ZNF888: variants seen among roughly 807,000 people sequenced by gnomAD.
ZNF888 encodes CTD-2331H12.6.
In ZNF888, 5 loss-of-function variants were observed where a neutral mutation model predicts 7.2. That is an observed-to-expected ratio of 0.70 (90% CI 0.36 to 1.46). The LOEUF (loss-of-function observed/expected upper bound fraction) is 1.46. Among genes scored for constraint, ZNF888 ranks in the 40% most tolerant of loss-of-function variants. The probability of loss-of-function intolerance (pLI) is 0.03; values close to 1 mark genes in which losing one functional copy is unlikely to be tolerated. For synonymous variants in ZNF888, 240 were observed against 284.3 expected (o/e 0.84, Z 1.57); for missense variants, 716 against 858.0 (o/e 0.83, Z 2.07).
intron 2 of ZNF888, chr19:52,918,214 G>A: frequency 2.0e-6 from 2 of 985,442 alleles, no homozygotes; most frequent in Non-Finnish European, 1.2e-6. Context: ...CAGAGGCTGG[G>A]TGCGGTGGCT....
chr19:52,906,656 C>T lies in ZNF888; in HGVS notation c.1666G>A (p.Gly556Ser). 3.7e-6 allele frequency: 6 copies of T among 1,613,762 alleles called. No individual in the cohort carries two copies. The highest frequency in any genetic ancestry group is 5.1e-6 in the Non-Finnish European group (6 of 1,179,818). The change falls in exon 5 of 5, where the codon GGC (glycine) becomes AGC (serine). Residue 556 changes from glycine to serine, a missense_variant. Physicochemically the swap from Gly to Ser is moderately conservative, Grantham distance 56. This residue lies in a region of ZNF888 where 697 missense variants were observed against 803.4 expected (regional missense o/e 0.87). Transcript: ENST00000638862. ...CTTGATTTGTGATTAAAACTTTTGC[C>T]ACATTCATTACACTTGTAACGTTTC... Reference protein sequence around the residue: ...GEKRYKCNECGKSFNHKSSLA... With the variant: ...GEKRYKCNECSKSFNHKSSLA...
chr19:52,905,092 T>C lies in ZNF888; in HGVS notation c.*1073A>G, dbSNP rs1346675398. ...AACATACATAGAGATACAACCCATATTGATAGTTTGGAAAAATTAATATTG... is the reference window on the plus strand; with the variant it reads ...AACATACATAGAGATACAACCCATACTGATAGTTTGGAAAAATTAATATTG... On this transcript the variant is annotated 3_prime_UTR_variant, in exon 5 of 5. Coordinates refer to ENST00000638862, the MANE Select transcript of ZNF888 (RefSeq NM_001393938.1). 1 of 152,284 alleles carries C rather than the reference T, an allele frequency of 6.6e-6. No homozygotes were observed. Among genetic ancestry groups the C allele is most frequent in the Non-Finnish European group, 1.5e-5 (1 of 68,048 alleles). The allele number at this position is 152,284 out of a possible 1,614,324, so 9.4% of individuals were successfully genotyped here. A position where few individuals can be genotyped will look rare whatever the true frequency, so the allele number is the denominator to read the frequency against.
intron 4 of ZNF888, among the ~76,000 whole-genome samples, chr19:52,913,379 C>T (rs982675768): frequency 5.5e-5 from 7 of 128,404 alleles, no homozygotes; most frequent in Non-Finnish European, 1.1e-4. Context: ...GCCTGGAGTG[C>T]AATGGTGCGA....
At position 52,905,603 on chromosome 19, in the gene ZNF888, C is replaced by CCGCACTCAGCCTAATCCTCTTAACATA. The variant is rs2064598410; in HGVS notation, c.*535_*561dup. 2.7e-6 allele frequency: 1 copy of CCGCACTCAGCCTAATCCTCTTAACATA among 365,008 alleles called. No homozygotes were observed. The highest frequency in any genetic ancestry group is 2.1e-5 in the African/African-American group (1 of 46,982). 22.6% of individuals were successfully genotyped at this position (365,008 alleles called of 1,614,324 possible). On this transcript the variant is annotated 3_prime_UTR_variant, in exon 5 of 5. Coordinates refer to ENST00000638862, the MANE Select transcript of ZNF888 (RefSeq NM_001393938.1). ...GTGCTAGCATTACAGGTGTGAGCCACCGCACTCAGCCTAATCCTCTTAACA... is the reference window on the plus strand; with the variant it reads ...GTGCTAGCATTACAGGTGTGAGCCACCGCACTCAGCCTAATCCTCTTAACATACGCACTCAGCCTAATCCTCTTAACA...
chr19:52,909,220 G>C (rs2064647815), intron 4 of ZNF888, among the ~76,000 whole-genome samples: 6 of 151,676 alleles, frequency 4.0e-5, no homozygotes, highest in African/African-American at 2.4e-5. Flanking sequence ...TGTGGAACAG[G>C]CGCTTTGTAA....
chr19:52,905,690 A>C lies in ZNF888; in HGVS notation c.*475T>G. The C allele has an allele frequency of 2.3e-6, 1 of 429,058 alleles. No individual in the cohort carries two copies. Among genetic ancestry groups the C allele is most frequent in the Non-Finnish European group, 4.7e-6 (1 of 212,196 alleles). The allele number at this position is 429,058 out of a possible 1,614,324, so 26.6% of individuals were successfully genotyped here. A position where few individuals can be genotyped will look rare whatever the true frequency, so the allele number is the denominator to read the frequency against. ...GTTAAGTCAACTCAAACTCAAGTCA[A>C]TGCTGAACTGACTCTAGTGTCAATT... On this transcript the variant is annotated 3_prime_UTR_variant, in exon 5 of 5. Transcript: ENST00000638862.
In ZNF888 at chr19:52,923,382, C is replaced by T. The variant is rs1279477292; in HGVS notation, c.-191G>A. On this transcript the variant is annotated 5_prime_UTR_variant, in exon 1 of 5. Coordinates refer to ENST00000638862, the MANE Select transcript of ZNF888 (RefSeq NM_001393938.1). ...AGCAAAACTCACCGCCGCAGTGTGA[C>T]TTCCAGTCCACGCGATCCGCTTCCT... 2 of 985,816 alleles carry T rather than the reference C, an allele frequency of 2.0e-6. No individual in the cohort carries two copies. The highest frequency in any genetic ancestry group is 2.4e-6 in the Non-Finnish European group (2 of 830,032). 61.1% of individuals were successfully genotyped at this position (985,816 alleles called of 1,614,324 possible). A position where few individuals can be genotyped will look rare whatever the true frequency, so the allele number is the denominator to read the frequency against.
intron 1 of ZNF888, among the ~76,000 whole-genome samples, chr19:52,919,951 C>A (rs1431154402): frequency 2.0e-4 from 11 of 54,296 alleles, no homozygotes; most frequent in South Asian, 5.4e-4. Flanking sequence ...AGTGAGGAGC[C>A]CCTCTGCCCG....
rs1248190860 is a variant in ZNF888 at position 52,905,915 on chromosome 19, C to T, written c.*250G>A. On this transcript the variant is annotated 3_prime_UTR_variant, in exon 5 of 5. Coordinates refer to ENST00000638862, the MANE Select transcript of ZNF888 (RefSeq NM_001393938.1). ...AAAGGCTTTGCTCACAATCATCACACTTGTGAGGTTTCTCTCCTGTATGAA... is the reference window on the plus strand; with the variant it reads ...AAAGGCTTTGCTCACAATCATCACATTTGTGAGGTTTCTCTCCTGTATGAA... The T allele has an allele frequency of 1.3e-6, 1 of 795,982 alleles. No homozygotes were observed. Among genetic ancestry groups the T allele is most frequent in the African/African-American group, 1.6e-5 (1 of 62,336 alleles). The allele number at this position is 795,982 out of a possible 1,614,324, so 49.3% of individuals were successfully genotyped here.
chr19:52,907,846 A>G lies in ZNF888; in HGVS notation c.476T>C (p.Ile159Thr), dbSNP rs1018186202. 75 of 1,614,026 alleles carry G rather than the reference A, an allele frequency of 4.6e-5. No individual in the cohort carries two copies. Among genetic ancestry groups the G allele is most frequent in the Middle Eastern group, 1.6e-4 (1 of 6,084 alleles). ...ELHIFQPEGKIGNQLEKSINN... is the reference protein window; with the variant it reads ...ELHIFQPEGKTGNQLEKSINN... ...GATAGACTTCTCAAGTTGATTACCAATTTTCCCTTCGGGCTGAAATATGTG... is the reference window on the plus strand; with the variant it reads ...GATAGACTTCTCAAGTTGATTACCAGTTTTCCCTTCGGGCTGAAATATGTG... Residue 159 changes from isoleucine to threonine, a missense_variant, in exon 5 of 5, where the codon ATT (isoleucine) becomes ACT (threonine). Physicochemically the swap from Ile to Thr is moderately conservative, Grantham distance 89. Coordinates refer to ENST00000638862, the MANE Select transcript of ZNF888 (RefSeq NM_001393938.1).
chr19:52,918,138 A>G (rs981113042), intron 2 of ZNF888: 1 of 1,377,494 alleles, frequency 7.3e-7, no homozygotes, highest in Non-Finnish European at 9.4e-7. Flanking sequence ...ACGCTGCAGC[A>G]GTAGGGATCT....
At chr19:52,914,390 G>A (rs1568745599) in intron 4 of ZNF888, 1 of 983,450 alleles carries the variant, frequency 1.0e-6, no homozygotes, top group Non-Finnish European at 1.2e-6. Context: ...CCAACATGGA[G>A]ATAACAGGTC....
At chr19:52,909,476 G>T (rs940048701) in intron 4 of ZNF888, among the ~76,000 whole-genome samples, 1 of 151,948 alleles carries the variant, frequency 6.6e-6, no homozygotes, top group Non-Finnish European at 1.5e-5. Context: ...TCGAACTCCT[G>T]ACCTCAGGTG....
At chr19:52,923,223 C>G (rs2064842626) in intron 1 of ZNF888, 146 bp downstream of exon 1, 1 of 919,180 alleles carries the variant, frequency 1.1e-6, no homozygotes. Context: ...GAAGTGACTT[C>G]CGGACTCCTA....
At chr19:52,911,212 C>T (rs2064673753) in intron 4 of ZNF888, among the ~76,000 whole-genome samples, 2 of 152,056 alleles carry the variant, frequency 1.3e-5, no homozygotes, top group Non-Finnish European at 2.9e-5. Flanking sequence ...GAGGTTTCAC[C>T]ATGTTGTACA....
chr19:52,910,907 G>T (rs181104951), intron 4 of ZNF888, among the ~76,000 whole-genome samples: 34 of 152,272 alleles, frequency 2.2e-4, no homozygotes, highest in Non-Finnish European at 3.8e-4. Context: ...TCAGCCCAGA[G>T]TCTCACTCTG....
At chr19:52,909,734 A>G (rs1321149436) in intron 4 of ZNF888, among the ~76,000 whole-genome samples, 3 of 152,230 alleles carry the variant, frequency 2.0e-5, no homozygotes, top group East Asian at 1.9e-4. Flanking sequence ...GCAGAATTCT[A>G]AACAATTCCC....
intron 4 of ZNF888, among the ~76,000 whole-genome samples, chr19:52,910,457 T>G (rs1035355625): frequency 2.6e-5 from 4 of 152,140 alleles, no homozygotes; most frequent in African/African-American, 4.8e-5. Context: ...GGTGAGAGAA[T>G]GCGACTACAT....
rs1030592897 is a variant in ZNF888 at position 52,907,934 on chromosome 19, C to G, written c.388G>C (p.Ala130Pro). Residue 130 changes from alanine to proline, a missense_variant, in exon 5 of 5, where the codon GCT becomes CCT. Physicochemically the swap from Ala to Pro is conservative, Grantham distance 27. This residue lies in a region of ZNF888 where 697 missense variants were observed against 803.4 expected (regional missense o/e 0.87). Coordinates refer to ENST00000638862, the MANE Select transcript of ZNF888 (RefSeq NM_001393938.1). ...GSTDQYDQRH[A>P]GNKPIKYQLG... is the part of the protein sequence containing the mutation. ...TGATATTTAATAGGCTTGTTTCCAG[C>G]ATGCCTTTGATCATATTGGTCTGTA... 1 of 1,614,026 alleles carries G rather than the reference C, an allele frequency of 6.2e-7. No homozygotes were observed. The highest frequency in any genetic ancestry group is 1.3e-5 in the African/African-American group (1 of 74,926).
Sources: gnomAD v4.1 joint callset for allele counts (sites outside exome capture counted in the v4.1 genomes callset) on GRCh38, gnomAD v4.1.1 for gene constraint, gnomAD v4.1.1 regional missense constraint, MANE v1.5 for transcripts, NCBI Gene and HGNC (gene_info 2026-07-23, HGNC 2026-07-21) for gene names.